Variants in VAV3 observed in about 807,000 individuals in gnomAD.
VAV3 encodes vav guanine nucleotide exchange factor 3.
Under a neutral mutation model 131.2 loss-of-function variants are expected in VAV3, and 94 were observed. The observed-to-expected ratio is 0.72, with a 90% CI of 0.61 to 0.85. VAV3 has a LOEUF of 0.85. Ranked by LOEUF, VAV3 falls within the 40% of genes least tolerant of loss-of-function variation. The probability of loss-of-function intolerance (pLI) is 0.00; values close to 1 mark genes in which losing one functional copy is unlikely to be tolerated. For missense variants in VAV3, 939 were observed against 1,002.7 expected, an observed-to-expected ratio of 0.94 and a Z score of 0.86; for synonymous variants, 349 against 342.0, an observed-to-expected ratio of 1.02 and a Z score of -0.22.
At chr1:107,574,916 A>C (rs1048395516) in intron 25 of VAV3, among the ~76,000 whole-genome samples, 1 of 152,040 alleles carries the variant, frequency 6.6e-6, no homozygotes, top group Non-Finnish European at 1.5e-5. Flanking sequence ...CTAATCAAAA[A>C]TAAGATGTCA....
Position 107,816,415 on chromosome 1 carries a change from C to A in VAV3, c.322-36923G>T, listed in dbSNP as rs1570992432. Among the ~76,000 whole-genome samples the A allele has an allele frequency of 3.3e-5, 5 of 152,246 alleles. No individual in the cohort carries two copies. The East Asian group carries it at 7.7e-4, about 24-fold the overall frequency. On this transcript the variant is annotated intron_variant, in intron 2 of 26. Coordinates refer to ENST00000370056, the MANE Select transcript of VAV3 (RefSeq NM_006113.5). The stretch of plus-strand genomic sequence containing the variant: ...CTAGTGCCAAGCATATAGTGGTGAT[C>A]AATTAAATCACTATTGATTTCTTAA...
intron 17 of VAV3, among the ~76,000 whole-genome samples, chr1:107,702,786 C>A: frequency 8.4e-6 from 1 of 119,700 alleles, no homozygotes; most frequent in East Asian, 2.4e-4. Context: ...TAAATAAGCC[C>A]ACGTCTTTCA....
intron 20 of VAV3, among the ~76,000 whole-genome samples, chr1:107,620,288 A>T (rs1290443695): frequency 2.0e-5 from 3 of 152,158 alleles, no homozygotes. Flanking sequence ...AATAAAATAA[A>T]GCTATGTGCC....
rs1417321289 is a variant in VAV3 at position 107,920,932 on chromosome 1, C to A, written c.204+43734G>T. ...CTTCACATCTCACATGTGTTATATACAAAATAAGCAAATAGCATAAAATAA... is the reference window on the plus strand; with the variant it reads ...CTTCACATCTCACATGTGTTATATAAAAAATAAGCAAATAGCATAAAATAA... On this transcript the variant is annotated intron_variant, in intron 1 of 26. Transcript: ENST00000370056. Among the ~76,000 whole-genome samples the A allele has an allele frequency of 2.0e-5, 3 of 152,232 alleles. No homozygotes were observed. In the South Asian group the frequency reaches 6.2e-4, roughly 32 times the overall value.
At chr1:107,929,841 A>T (rs1482741695) in intron 1 of VAV3, among the ~76,000 whole-genome samples, 1 of 152,224 alleles carries the variant, frequency 6.6e-6, no homozygotes, top group African/African-American at 2.4e-5. Flanking sequence ...TACACAACAG[A>T]GTACTACTCA....
intron 2 of VAV3, among the ~76,000 whole-genome samples, chr1:107,872,832 G>A (rs1181483118): frequency 2.0e-5 from 3 of 152,016 alleles, no homozygotes; most frequent in Admixed American, 6.6e-5. Context: ...ACCTCTTAAC[G>A]TTGTTACAAT....
At chr1:107,660,039 C>A (rs1436902883) in intron 19 of VAV3, among the ~76,000 whole-genome samples, 1 of 152,206 alleles carries the variant, frequency 6.6e-6, no homozygotes, top group African/African-American at 2.4e-5. Context: ...TCTCCTACAA[C>A]TGAAATGAAA....
rs758971235 is a variant in VAV3 at position 107,572,564 on chromosome 1, A to C, written c.*767T>G. On this transcript the variant is annotated 3_prime_UTR_variant, in exon 27 of 27. Coordinates refer to ENST00000370056, the MANE Select transcript of VAV3 (RefSeq NM_006113.5). ...AGATCCTTTCATAAAGTCAAGTGCT[A>C]TATTTCCAAAATAATCCTATGAAAT... is the stretch of plus-strand genomic sequence containing the variant. 2.0e-5 allele frequency: 3 copies of C among 152,678 alleles called. No individual in the cohort carries two copies. The highest frequency in any genetic ancestry group is 4.4e-5 in the Non-Finnish European group (3 of 68,046). 9.5% of individuals were successfully genotyped at this position (152,678 alleles called of 1,614,324 possible).
rs1196288767 is a variant in VAV3 at position 107,571,798 on chromosome 1, T to C, written c.*1533A>G. 2 of 152,664 alleles carry C rather than the reference T, an allele frequency of 1.3e-5. No individual in the cohort carries two copies. The highest frequency in any genetic ancestry group is 2.9e-5 in the Non-Finnish European group (2 of 68,038). 9.5% of individuals were successfully genotyped at this position (152,664 alleles called of 1,614,324 possible). A position where few individuals can be genotyped will look rare whatever the true frequency, so the allele number is the denominator to read the frequency against. On this transcript the variant is annotated 3_prime_UTR_variant, in exon 27 of 27. Transcript: ENST00000370056. ...TTCTGAGGTAAAGGTCTTGAATCTA[T>C]CCTAGATGAAAAGTCCTAGCCCATG...
chr1:107,726,073 A>G (rs530492768), intron 15 of VAV3, among the ~76,000 whole-genome samples: 3 of 152,312 alleles, frequency 2.0e-5, no homozygotes, highest in African/African-American at 7.2e-5. Context: ...TTATGCTATC[A>G]ATATCCCTAT....
intron 19 of VAV3, among the ~76,000 whole-genome samples, chr1:107,660,198 C>A (rs1429693131): frequency 6.6e-6 from 1 of 152,164 alleles, no homozygotes; most frequent in Non-Finnish European, 1.5e-5. Context: ...CTGCAATGCT[C>A]AGAAAGGGAG....
At chr1:107,774,418 T>C (rs993720042) in intron 4 of VAV3, among the ~76,000 whole-genome samples, 12 of 152,230 alleles carry the variant, frequency 7.9e-5, no homozygotes, top group Non-Finnish European at 1.6e-4. Context: ...TGTGAGTGCA[T>C]GCGTGCATGC....
At chr1:107,874,265 AT>A in intron 2 of VAV3, among the ~76,000 whole-genome samples, 1 of 152,324 alleles carries the variant, frequency 6.6e-6, no homozygotes, top group Admixed American at 6.5e-5. Context: ...TGTTTCACTT[AT>A]TATACATGTG....
chr1:107,946,629 T>C (rs180931264), intron 1 of VAV3, among the ~76,000 whole-genome samples: 180 of 152,294 alleles, frequency 1.2e-3, no homozygotes, highest in African/African-American at 4.1e-3. Context: ...ATGCTATCCA[T>C]AAAAGAGAAG....
At chr1:107,803,688 C>T (rs1666929937) in intron 2 of VAV3, among the ~76,000 whole-genome samples, 1 of 152,076 alleles carries the variant, frequency 6.6e-6, no homozygotes, top group African/African-American at 2.4e-5. Context: ...TTTGGATGAA[C>T]TTCCATATGC....
At chr1:107,868,968 T>G (rs1482388708) in intron 2 of VAV3, among the ~76,000 whole-genome samples, 2 of 152,204 alleles carry the variant, frequency 1.3e-5, no homozygotes, top group Non-Finnish European at 2.9e-5. Flanking sequence ...AGGTTCATCT[T>G]CAACTCTATT....
At chr1:107,914,315 C>T (rs953578537) in intron 1 of VAV3, among the ~76,000 whole-genome samples, 4 of 152,188 alleles carry the variant, frequency 2.6e-5, no homozygotes, top group Admixed American at 1.3e-4. Context: ...GCAACAGTGA[C>T]GTGCAATAAA....
At chr1:107,841,539 T>A (rs1039457795) in intron 2 of VAV3, among the ~76,000 whole-genome samples, 1 of 152,172 alleles carries the variant, frequency 6.6e-6, no homozygotes, top group Admixed American at 6.6e-5. Flanking sequence ...GTGGGTGCCA[T>A]AGATCAAGCT....
At chr1:107,635,570 T>C (rs1427527429) in intron 20 of VAV3, among the ~76,000 whole-genome samples, 1 of 152,050 alleles carries the variant, frequency 6.6e-6, no homozygotes, top group Non-Finnish European at 1.5e-5. Context: ...TGTATACATA[T>C]GTAACAAACC....
Sources: gnomAD v4.1 joint callset for allele counts (sites outside exome capture counted in the v4.1 genomes callset) on GRCh38, gnomAD v4.1.1 for gene constraint, MANE v1.5 for transcripts, NCBI Gene and HGNC (gene_info 2026-07-23, HGNC 2026-07-21) for gene names.